The following RBBP5 variants were observed in gnomAD, a reference collection of about 807,000 sequenced individuals.
The protein encoded by RBBP5 is RB binding protein 5, histone lysine methyltransferase complex subunit, also known as retinoblastoma-binding protein 5.
A neutral mutation model predicts 72.2 loss-of-function variants in RBBP5; 5 were observed. That is an observed-to-expected ratio of 0.07 (90% CI 0.04 to 0.15). The LOEUF is 0.15. Among genes scored for constraint, RBBP5 ranks in the 10% least tolerant of loss-of-function variants. RBBP5 has a pLI of 1.00. For synonymous variants in RBBP5, 209 were observed against 237.2 expected (o/e 0.88, Z 1.09); for missense variants, 322 against 652.2 (o/e 0.49, Z 5.51).
intron 10 of RBBP5, among the ~76,000 whole-genome samples, chr1:205,098,140 A>G (rs941559090): frequency 2.0e-5 from 3 of 152,340 alleles, no homozygotes; most frequent in Admixed American, 1.3e-4. Context: ...TGGCCTAGGC[A>G]TATATTAAAT....
At chr1:205,115,028 G>A (rs1656466555) in intron 2 of RBBP5, 67 bp from the exon 3 acceptor site, 1 of 1,371,884 alleles carries the variant, frequency 7.3e-7, no homozygotes, top group Non-Finnish European at 1.0e-6. Flanking sequence ...TTTCCTAAAG[G>A]TTCTTTATCA....
At chr1:205,107,464 A>G (rs1357656006) in intron 3 of RBBP5, among the ~76,000 whole-genome samples, 1 of 152,182 alleles carries the variant, frequency 6.6e-6, no homozygotes. Flanking sequence ...GAAGTGGCAC[A>G]TTTTTCAAGC....
intron 4 of RBBP5, among the ~76,000 whole-genome samples, chr1:205,104,442 G>A (rs1655969915): frequency 6.6e-6 from 1 of 152,130 alleles, no homozygotes; most frequent in South Asian, 2.1e-4. Flanking sequence ...AGAATCGCTT[G>A]AAAACAGGAG....
intron 1 of RBBP5, among the ~76,000 whole-genome samples, chr1:205,118,716 G>A (rs1028966841): frequency 2.0e-5 from 3 of 152,190 alleles, no homozygotes; most frequent in Non-Finnish European, 2.9e-5. Flanking sequence ...TTAGTTACAC[G>A]TGTAGGTATA....
chr1:205,108,355 A>G (rs1369093074), intron 3 of RBBP5, among the ~76,000 whole-genome samples: 1 of 152,218 alleles, frequency 6.6e-6, no homozygotes, highest in Non-Finnish European at 1.5e-5. Context: ...TAAGACAATT[A>G]TATTACACAC....
At chr1:205,120,530 C>T (rs940088006) in intron 1 of RBBP5, among the ~76,000 whole-genome samples, 1 of 152,142 alleles carries the variant, frequency 6.6e-6, no homozygotes, top group Admixed American at 6.6e-5. Flanking sequence ...CACTTAAGGC[C>T]GGACACTTTG....
intron 1 of RBBP5, among the ~76,000 whole-genome samples, chr1:205,120,275 G>A (rs927805592): frequency 1.3e-5 from 2 of 152,018 alleles, no homozygotes; most frequent in South Asian, 4.1e-4. Context: ...AGCTCTGATT[G>A]AGTTACTAAG....
intron 4 of RBBP5, 112 bp downstream of exon 4, chr1:205,104,916 T>C (rs2102297922): frequency 8.4e-7 from 1 of 1,193,622 alleles, no homozygotes; most frequent in Admixed American, 2.1e-5. Context: ...TGTAGAAGGT[T>C]TGAAGAGATG....
chr1:205,105,213 C>G (rs1245870761), intron 3 of RBBP5, 45 bp from the exon 4 acceptor site: 1 of 1,576,452 alleles, frequency 6.3e-7, no homozygotes, highest in Non-Finnish European at 8.6e-7. Context: ...CTAAGTATAT[C>G]ATACCACTCT....
chr1:205,111,553 T>C (rs1656316145), intron 3 of RBBP5, among the ~76,000 whole-genome samples: 2 of 152,192 alleles, frequency 1.3e-5, no homozygotes, highest in African/African-American at 4.8e-5. Context: ...TCCATTTCAC[T>C]CACACCCCAA....
In RBBP5 at chr1:205,114,916, T is replaced by G. The variant is rs754045800; in HGVS notation, c.91A>C (p.Thr31Pro). ...AGCAGTGTGCCCCACCTGTTAAAGGTGCAAGTCAAAGCCATGCTGATACAA... is the reference window on the plus strand; with the variant it reads ...AGCAGTGTGCCCCACCTGTTAAAGGGGCAAGTCAAAGCCATGCTGATACAA... ...LDCISMALTCTFNRWGTLLAV... is the reference protein window; with the variant it reads ...LDCISMALTCPFNRWGTLLAV... Residue 31 changes from threonine to proline, a missense_variant, in exon 3 of 14, where the codon ACC (threonine) becomes CCC (proline). Coordinates refer to ENST00000264515, the MANE Select transcript of RBBP5 (RefSeq NM_005057.4). 5 of 1,594,352 alleles carry G rather than the reference T, an allele frequency of 3.1e-6. No homozygotes were observed.
In RBBP5 at chr1:205,105,011, A is replaced by C; in HGVS notation, c.359+17T>G. Reference sequence around the variant, plus strand: ...AGAATTAGACCCCACCCCAGGAGAGAAATAGCTTAAACATACTGATCTCGT... The same window carrying C: ...AGAATTAGACCCCACCCCAGGAGAGCAATAGCTTAAACATACTGATCTCGT... On this transcript the variant is annotated intron_variant, in intron 4 of 13. Transcript: ENST00000264515. The C allele has an allele frequency of 6.2e-7, 1 of 1,612,464 alleles. No homozygotes were observed. The highest frequency in any genetic ancestry group is 8.5e-7 in the Non-Finnish European group (1 of 1,178,650).
At chr1:205,106,913 T>C (rs772375211) in intron 3 of RBBP5, among the ~76,000 whole-genome samples, 8 of 151,708 alleles carry the variant, frequency 5.3e-5, no homozygotes, top group African/African-American at 1.7e-4. Flanking sequence ...CTGAAAAATA[T>C]AGTAACAGAA....
At position 205,087,003 on chromosome 1, in the gene RBBP5, T is replaced by C. The variant is rs1024953329; in HGVS notation, c.*1784A>G. 1 of 152,184 alleles carries C rather than the reference T, an allele frequency of 6.6e-6. No individual in the cohort carries two copies. Among genetic ancestry groups the C allele is most frequent in the South Asian group, 2.1e-4 (1 of 4,828 alleles). The allele number at this position is 152,184 out of a possible 1,614,324, so 9.4% of individuals were successfully genotyped here. ...AAATGAATATTTAAGAAAAAAGTAG[T>C]GGCATCTAAAAATATAGACGTTTTG... On this transcript the variant is annotated 3_prime_UTR_variant, in exon 14 of 14. Transcript: ENST00000264515.
chr1:205,089,252 T>C (rs1319596677), intron 13 of RBBP5, among the ~76,000 whole-genome samples: 37 of 152,240 alleles, frequency 2.4e-4, no homozygotes, highest in Admixed American at 2.4e-3. Context: ...AAGAAACCCT[T>C]TTCCCAGCAC....
In RBBP5 at chr1:205,116,069, C is replaced by T. The variant is rs1362613181; in HGVS notation, c.20-186G>A. The T allele has an allele frequency of 8.2e-6, 10 of 1,215,838 alleles. No homozygotes were observed. In the East Asian group the frequency reaches 1.8e-4, roughly 22 times the overall value. 75.3% of individuals were successfully genotyped at this position (1,215,838 alleles called of 1,614,324 possible). ...GATGACTTGTTTACTCTCATTATCT[C>T]GGAAATATACAGATGCGTTTTCCTG... On this transcript the variant is annotated intron_variant, in intron 1 of 13. Coordinates refer to ENST00000264515, the MANE Select transcript of RBBP5 (RefSeq NM_005057.4).
intron 11 of RBBP5, 141 bp from the exon 12 acceptor site, chr1:205,097,052 G>A (rs1371710326): frequency 2.6e-6 from 2 of 770,826 alleles, no homozygotes; most frequent in South Asian, 2.1e-5. Context: ...AAGAATAAAA[G>A]GGAATCAAAC....
At chr1:205,098,940 G>T in intron 10 of RBBP5, 49 bp downstream of exon 10, 1 of 1,187,570 alleles carries the variant, frequency 8.4e-7, no homozygotes, top group Non-Finnish European at 1.2e-6. Flanking sequence ...ATTAAGTAAA[G>T]CAATCATTTT....
chr1:205,093,623 G>A (rs7514286), intron 13 of RBBP5, among the ~76,000 whole-genome samples: 13,152 of 145,080 alleles, frequency 0.091, 1,262 homozygotes, highest in African/African-American at 0.22. Flanking sequence ...GAATGTGGAC[G>A]TGGTAACCAT....
Sources: allele counts gnomAD v4.1 joint callset (sites outside exome capture counted in the v4.1 genomes callset), GRCh38; gene constraint gnomAD v4.1.1; transcripts MANE v1.5; gene names NCBI Gene and HGNC (gene_info 2026-07-23, HGNC 2026-07-21).